Variants in PARK7 observed in about 807,000 individuals in gnomAD.
PARK7 encodes the protein Parkinsonism associated deglycase.
PARK7 carries 14 observed loss-of-function variants against 20.5 expected under a neutral mutation model. The ratio of observed to expected loss-of-function variants is 0.68; its 90% CI spans 0.45 to 1.07. The LOEUF is 1.07. Among genes scored for constraint, PARK7 ranks in the 50% least tolerant of loss-of-function variants. The pLI is 0.00. For synonymous variants in PARK7, 98 were observed against 84.3 expected, an observed-to-expected ratio of 1.16 and a Z score of -0.89; for missense variants, 234 against 238.1, an observed-to-expected ratio of 0.98 and a Z score of 0.11.
rs1231839712 is a variant in PARK7 at position 7,971,320 on chromosome 1, A to G, written c.322+357A>G. On this transcript the variant is annotated intron_variant, in intron 5 of 6. Transcript: ENST00000338639. Reference sequence around the variant, plus strand: ...AATCAGCAAAATCCATCAAACATCAACACAGCAGCTCTGTCCTGTGCTTGC... The same window carrying G: ...AATCAGCAAAATCCATCAAACATCAGCACAGCAGCTCTGTCCTGTGCTTGC... 1.6e-5 allele frequency: 6 copies of G among 369,092 alleles called. No homozygotes were observed. In the East Asian group the frequency reaches 3.3e-4, roughly 20 times the overall value. The allele number at this position is 369,092 out of a possible 1,614,324, so 22.9% of individuals were successfully genotyped here.
chr1:7,965,593 G>A (rs541412618), intron 3 of PARK7, among the ~76,000 whole-genome samples, 168 bp downstream of exon 3: 1 of 152,198 alleles, frequency 6.6e-6, no homozygotes, highest in African/African-American at 2.4e-5. Flanking sequence ...TGTATCTGTA[G>A]AATGTGGCAA....
chr1:7,977,983 CTCTT>C (rs1640622398), intron 6 of PARK7, among the ~76,000 whole-genome samples: 2 of 87,248 alleles, frequency 2.3e-5, no homozygotes, highest in South Asian at 3.9e-4. Flanking sequence ...TGGTCTCAAA[CTCTT>C]TTTTTTTTTT....
intron 6 of PARK7, among the ~76,000 whole-genome samples, chr1:7,978,912 T>G (rs1376466693): frequency 1.3e-5 from 2 of 152,198 alleles, no homozygotes; most frequent in African/African-American, 4.8e-5. Flanking sequence ...CTCATTATCC[T>G]TTTTATTTTA....
At chr1:7,968,391 G>A (rs1007438284) in intron 3 of PARK7, among the ~76,000 whole-genome samples, 4 of 152,012 alleles carry the variant, frequency 2.6e-5, no homozygotes, top group African/African-American at 9.6e-5. Context: ...GTAATTTCAG[G>A]AAGTTTGAAA....
rs1640797261 is a variant in PARK7, at chr1:7,985,317, G to C, written c.*263G>C. Reference sequence around the variant, plus strand: ...TCTTGTTTTGTCTCTCATTTCTTTTGTGAAATTAAATTCCGTATCACCTTC... The same window carrying C: ...TCTTGTTTTGTCTCTCATTTCTTTTCTGAAATTAAATTCCGTATCACCTTC... On this transcript the variant is annotated 3_prime_UTR_variant, in exon 7 of 7. Transcript: ENST00000338639. 1 of 474,512 alleles carries C rather than the reference G, an allele frequency of 2.1e-6. No homozygotes were observed. The highest frequency in any genetic ancestry group is 2.1e-5 in the South Asian group (1 of 47,808). The allele number at this position is 474,512 out of a possible 1,614,324, so 29.4% of individuals were successfully genotyped here.
intron 5 of PARK7, among the ~76,000 whole-genome samples, chr1:7,975,009 C>A (rs984220201): frequency 6.6e-6 from 1 of 152,002 alleles, no homozygotes; most frequent in Admixed American, 6.6e-5. Context: ...GCACCTGCCA[C>A]CATGCCCAGC....
chr1:7,973,529 C>T (rs893292521), intron 5 of PARK7, among the ~76,000 whole-genome samples: 2 of 152,116 alleles, frequency 1.3e-5, no homozygotes, highest in African/African-American at 4.8e-5. Flanking sequence ...GCCTGGCCAC[C>T]ATGGTGAAAC....
At position 7,974,860 on chromosome 1, in the gene PARK7, T is replaced by G. The variant is rs1181032016; in HGVS notation, c.323-2792T>G. On this transcript the variant is annotated intron_variant, in intron 5 of 6. Transcript: ENST00000338639. ...CAGAAAAATAAGATTCTTTTTTTTT[T>G]TTTTTTTTGTTGAAATGGGAGCTTT... Among the ~76,000 whole-genome samples, 910 of 150,250 alleles carry G rather than the reference T, an allele frequency of 6.1e-3. 8 individuals are homozygous for G. Among genetic ancestry groups the G allele is most frequent in the African/African-American group, 0.021 (876 of 40,998 alleles).
At chr1:7,983,977 G>C (rs13328696) in intron 6 of PARK7, among the ~76,000 whole-genome samples, 1 of 152,156 alleles carries the variant, frequency 6.6e-6, no homozygotes, top group African/African-American at 2.4e-5. Flanking sequence ...TCAATGCTGC[G>C]AGGGCAGTAA....
intron 2 of PARK7, among the ~76,000 whole-genome samples, chr1:7,964,976 G>A (rs1191892384): frequency 6.6e-6 from 1 of 152,154 alleles, no homozygotes; most frequent in African/African-American, 2.4e-5. Flanking sequence ...GCAAACCAGG[G>A]TAGACCTAGT....
chr1:7,966,281 A>G lies in PARK7; in HGVS notation c.192+856A>G, dbSNP rs371041130. 3.9e-5 allele frequency among the ~76,000 whole-genome samples: 6 copies of G among 152,074 alleles called. No homozygotes were observed. In the East Asian group the frequency reaches 9.6e-4, roughly 24 times the overall value. On this transcript the variant is annotated intron_variant, in intron 3 of 6. Coordinates refer to ENST00000338639, the MANE Select transcript of PARK7 (RefSeq NM_007262.5). ...GTTCCCTGGGCCGAGCTGTCCTCAG[A>G]TACATAGGAAAAAGTTTAATCCTTT...
At chr1:7,971,308 C>G in intron 5 of PARK7, 1 of 375,606 alleles carries the variant, frequency 2.7e-6, no homozygotes, top group Non-Finnish European at 5.1e-6. Flanking sequence ...CAGCAAAATC[C>G]ATCAAACATC....
chr1:7,963,580 G>A (rs1426502005), intron 2 of PARK7, among the ~76,000 whole-genome samples: 1 of 151,528 alleles, frequency 6.6e-6, no homozygotes, highest in Non-Finnish European at 1.5e-5. Flanking sequence ...TCACCATGTT[G>A]GCCAGGTTGG....
chr1:7,975,992 C>T (rs1640577207), intron 5 of PARK7, among the ~76,000 whole-genome samples: 1 of 152,172 alleles, frequency 6.6e-6, no homozygotes, highest in Non-Finnish European at 1.5e-5. Flanking sequence ...AGCTATAAAT[C>T]AGGACTTGGT....
chr1:7,968,597 C>T (rs1640382194), intron 3 of PARK7, among the ~76,000 whole-genome samples: 1 of 152,044 alleles, frequency 6.6e-6, no homozygotes, highest in Non-Finnish European at 1.5e-5. Flanking sequence ...CTCACTGCAG[C>T]CTCTGCCTCC....
Position 7,969,139 on chromosome 1 carries a change from C to T in PARK7, c.193-206C>T, listed in dbSNP as rs185031970. The T allele has an allele frequency of 5.1e-5, 28 of 548,926 alleles. No homozygotes were observed. The Admixed American group carries it at 6.4e-4, about 13-fold the overall frequency. 34.0% of individuals were successfully genotyped at this position (548,926 alleles called of 1,614,324 possible). ...GCAGCGTGGACATCCTTGCATGTCA[C>T]TACATACAGGTTTTCTGCATTTTTT... is the stretch of plus-strand genomic sequence containing the variant. On this transcript the variant is annotated intron_variant, in intron 3 of 6. Transcript: ENST00000338639.
At position 7,961,780 on chromosome 1, in the gene PARK7, G is replaced by A. The variant is rs1640207249; in HGVS notation, c.-37G>A. ...CCGGGGCGCCGCGTCCGCAGGAAGA[G>A]GCGCGGGGTGCAGGTCAGCGCCAGC... On this transcript the variant is annotated 5_prime_UTR_variant, in exon 1 of 7. Transcript: ENST00000338639. The A allele has an allele frequency of 6.5e-6, 1 of 152,724 alleles. No homozygotes were observed. Among genetic ancestry groups the A allele is most frequent in the Non-Finnish European group, 1.5e-5 (1 of 68,372 alleles). 9.5% of individuals were successfully genotyped at this position (152,724 alleles called of 1,614,324 possible).
chr1:7,962,782 A>G lies in PARK7; in HGVS notation c.-4A>G, dbSNP rs1267740286. 1.2e-6 allele frequency: 2 copies of G among 1,609,234 alleles called. No homozygotes were observed. The highest frequency in any genetic ancestry group is 2.7e-5 in the African/African-American group (2 of 74,506). On this transcript the variant is annotated 5_prime_UTR_variant, in exon 2 of 7. The change creates a new upstream start codon in the 5' untranslated region. Coordinates refer to ENST00000338639, the MANE Select transcript of PARK7 (RefSeq NM_007262.5). ...TTTAAGGCTTGTAAACATATAACAT[A>G]AAAATGGCTTCCAAAAGAGCTCTGG...
At chr1:7,969,609 C>G (rs570508584) in intron 4 of PARK7, among the ~76,000 whole-genome samples, 4 of 149,952 alleles carry the variant, frequency 2.7e-5, no homozygotes, top group Non-Finnish European at 5.9e-5. Context: ...GAGACAGAGT[C>G]TTGCTCTGTG....
Sources: allele counts gnomAD v4.1 joint callset (sites outside exome capture counted in the v4.1 genomes callset), GRCh38; gene constraint gnomAD v4.1.1; transcripts MANE v1.5; gene names NCBI Gene and HGNC (gene_info 2026-07-23, HGNC 2026-07-21).